CENPC: variants seen among roughly 807,000 people sequenced by gnomAD.
The protein encoded by CENPC is centromere protein C.
CENPC carries 63 observed loss-of-function variants against 112.1 expected under a neutral mutation model. The ratio of observed to expected loss-of-function variants is 0.56; its 90% CI spans 0.46 to 0.69. The LOEUF is 0.69. Ranked by LOEUF, CENPC falls within the 30% of genes least tolerant of loss-of-function variation. CENPC has a pLI of 0.00. For missense variants in CENPC, 1,000 were observed against 1,103.8 expected, an observed-to-expected ratio of 0.91 and a Z score of 1.33; for synonymous variants, 333 against 367.6, an observed-to-expected ratio of 0.91 and a Z score of 1.08.
intron 5 of CENPC, among the ~76,000 whole-genome samples, chr4:67,528,167 T>C (rs1726439386): frequency 6.6e-6 from 1 of 152,110 alleles, no homozygotes; most frequent in South Asian, 2.1e-4. Context: ...AAAATTTTGA[T>C]ATAAAAATTA....
In CENPC at chr4:67,509,065, T is replaced by C. The variant is rs755422933; in HGVS notation, c.1653A>G (p.Pro551=). Residue 551 remains proline, a synonymous_variant, in exon 10 of 19, where the codon CCA becomes CCG. Transcript: ENST00000273853. The stretch of plus-strand genomic sequence containing the variant: ...ATTTTCGGCTACTATTGTGATGCAT[T>C]GGTAATTCATTTCTTACTGAAGAAT... ...YSNSSVRNEL[P]MHHNSSRKST... is the part of the protein sequence containing the mutation. 4 of 1,610,778 alleles carry C rather than the reference T, an allele frequency of 2.5e-6. No homozygotes were observed. The highest frequency in any genetic ancestry group is 3.3e-5 in the Admixed American group (2 of 59,758).
At chr4:67,503,400 T>C (rs1003949853) in intron 12 of CENPC, among the ~76,000 whole-genome samples, 4 of 152,112 alleles carry the variant, frequency 2.6e-5, no homozygotes, top group Non-Finnish European at 5.9e-5. Flanking sequence ...TCTCTGCCCA[T>C]CTACCTAAAA....
intron 17 of CENPC, among the ~76,000 whole-genome samples, chr4:67,475,643 G>C (rs1724783730): frequency 6.6e-6 from 1 of 152,168 alleles, no homozygotes; most frequent in South Asian, 2.1e-4. Context: ...CTGTCATCCA[G>C]GCTGGAGTAC....
At chr4:67,502,125 G>A (rs1725606631) in intron 12 of CENPC, among the ~76,000 whole-genome samples, 1 of 151,344 alleles carries the variant, frequency 6.6e-6, no homozygotes, top group South Asian at 2.1e-4. Flanking sequence ...ATAGTTTAAA[G>A]AAAAAAAGAT....
chr4:67,511,702 G>A (rs1725896496), intron 9 of CENPC, among the ~76,000 whole-genome samples: 2 of 151,880 alleles, frequency 1.3e-5, no homozygotes, highest in African/African-American at 2.4e-5. Flanking sequence ...GAGTACCTAT[G>A]TGACCACCCC....
At chr4:67,544,848 T>C (rs995792109) in intron 1 of CENPC, among the ~76,000 whole-genome samples, 5 of 152,176 alleles carry the variant, frequency 3.3e-5, no homozygotes, top group Non-Finnish European at 7.4e-5. Flanking sequence ...GTCAAATTAT[T>C]TCGAGACGTA....
chr4:67,522,164 AC>A (rs1726246934), intron 5 of CENPC, among the ~76,000 whole-genome samples: 1 of 152,250 alleles, frequency 6.6e-6, no homozygotes, highest in South Asian at 2.1e-4. Context: ...ACAAACTAAA[AC>A]AAAAAGTCTT....
intron 5 of CENPC, among the ~76,000 whole-genome samples, chr4:67,529,729 C>G (rs976064638): frequency 7.2e-5 from 11 of 151,962 alleles, no homozygotes; most frequent in African/African-American, 2.2e-4. Flanking sequence ...AAATTAAATG[C>G]AATTCTAGTT....
rs762678195 is a variant in CENPC at position 67,514,554 on chromosome 4, T to C, written c.964A>G (p.Arg322Gly). ...FASRSWITIP[R>G]KAGSLKQRTI... ...CGTTGTTTCAGAGACCCTGCCTTTC[T>C]TGGTATTGTAATCCAAGATCTACTG... Residue 322 changes from arginine (R) to glycine (G), a missense_variant, in exon 8 of 19, where the codon AGA becomes GGA. Coordinates refer to ENST00000273853, the MANE Select transcript of CENPC (RefSeq NM_001812.4). The C allele has an allele frequency of 3.7e-6, 6 of 1,611,820 alleles. No individual in the cohort carries two copies. In the African/African-American group the frequency reaches 4.0e-5, roughly 11 times the overall value.
chr4:67,544,002 T>C (rs1404569762), intron 2 of CENPC, 147 bp downstream of exon 2: 1 of 582,144 alleles, frequency 1.7e-6, no homozygotes, highest in Non-Finnish European at 3.1e-6. Flanking sequence ...TGCATTAACA[T>C]TCCCGTTAGT....
chr4:67,525,453 TAAAC>T (rs1402525183), intron 5 of CENPC, among the ~76,000 whole-genome samples: 1 of 151,958 alleles, frequency 6.6e-6, no homozygotes, highest in Non-Finnish European at 1.5e-5. Context: ...ACAAGAAACT[TAAAC>T]AAATTTACAA....
At chr4:67,534,873 C>A (rs1303619426) in intron 4 of CENPC, among the ~76,000 whole-genome samples, 2 of 151,816 alleles carry the variant, frequency 1.3e-5, no homozygotes, top group Admixed American at 6.6e-5. Flanking sequence ...AGGTAATGAG[C>A]AAAGTAAGTA....
chr4:67,538,737 GAGGGGGAA>G (rs1430488376), intron 4 of CENPC, among the ~76,000 whole-genome samples: 14 of 152,190 alleles, frequency 9.2e-5, no homozygotes, highest in African/African-American at 3.1e-4. Flanking sequence ...CCGAAGCCTT[GAGGGGGAA>G]TATCCTCCCA....
At chr4:67,537,105 A>G (rs1235206863) in intron 4 of CENPC, among the ~76,000 whole-genome samples, 1 of 152,020 alleles carries the variant, frequency 6.6e-6, no homozygotes, top group Non-Finnish European at 1.5e-5. Context: ...TAGATCCTAC[A>G]GACATTAACA....
At chr4:67,485,595 A>C (rs376662590) in intron 17 of CENPC, among the ~76,000 whole-genome samples, 1 of 152,292 alleles carries the variant, frequency 6.6e-6, no homozygotes, top group South Asian at 2.1e-4. Context: ...TGGTATTCTT[A>C]TTATAGCAGC....
chr4:67,544,646 T>C (rs1190405911), intron 1 of CENPC, among the ~76,000 whole-genome samples: 2 of 152,194 alleles, frequency 1.3e-5, no homozygotes, highest in East Asian at 1.9e-4. Context: ...AAGTATGAAA[T>C]ATAGAATAGT....
At chr4:67,509,207 T>TACACACACACACACACACAC (rs36207189) in intron 9 of CENPC, 102 bp from the exon 10 acceptor site, 27 of 486,020 alleles carry the variant, frequency 5.6e-5, no homozygotes, top group African/African-American at 1.9e-4. Context: ...CATATACACA[T>TACACACACACACACACACAC]ACACACACAC....
At chr4:67,498,269 T>C (rs1269536418) in intron 12 of CENPC, among the ~76,000 whole-genome samples, 1 of 152,086 alleles carries the variant, frequency 6.6e-6, no homozygotes, top group African/African-American at 2.4e-5. Context: ...AATATAAAAA[T>C]GCTTATCATC....
intron 7 of CENPC, among the ~76,000 whole-genome samples, chr4:67,515,793 C>T (rs2109806647): frequency 6.6e-6 from 1 of 151,844 alleles, no homozygotes; most frequent in East Asian, 1.9e-4. Context: ...GTAGCATAAG[C>T]ACAAAAGAAA....
Sources: gnomAD v4.1 joint callset for allele counts (sites outside exome capture counted in the v4.1 genomes callset) on GRCh38, gnomAD v4.1.1 for gene constraint, MANE v1.5 for transcripts, NCBI Gene and HGNC (gene_info 2026-07-23, HGNC 2026-07-21) for gene names.